ABCD3: variants seen among roughly 807,000 people sequenced by gnomAD.
ABCD3 encodes the protein ATP-binding cassette sub-family D member 3.
ABCD3 carries 41 observed loss-of-function variants against 105.5 expected under a neutral mutation model. The ratio of observed to expected loss-of-function variants is 0.39; its 90% confidence interval spans 0.30 to 0.50. The LOEUF is 0.50. Ranked by LOEUF, ABCD3 falls within the 20% of genes least tolerant of loss-of-function variation. The pLI is 0.84. For synonymous variants in ABCD3, 258 were observed against 269.0 expected, an observed-to-expected ratio of 0.96 and a Z score of 0.40; for missense variants, 622 against 806.3, an observed-to-expected ratio of 0.77 and a Z score of 2.77.
intron 7 of ABCD3, among the ~76,000 whole-genome samples, chr1:94,477,929 C>T (rs1484677840): frequency 6.6e-6 from 1 of 152,146 alleles, no homozygotes; most frequent in Non-Finnish European, 1.5e-5. Context: ...AGTGTCTTTA[C>T]ATTATATTGA....
chr1:94,442,582 A>G (rs1054111648), intron 1 of ABCD3, among the ~76,000 whole-genome samples: 3 of 152,248 alleles, frequency 2.0e-5, no homozygotes, highest in Middle Eastern at 3.4e-3. Flanking sequence ...TGAATAGTGA[A>G]TGTTCTACCC....
chr1:94,495,615 TA>T (rs1296000906), intron 16 of ABCD3, among the ~76,000 whole-genome samples: 3 of 152,208 alleles, frequency 2.0e-5, no homozygotes, highest in Non-Finnish European at 4.4e-5. Context: ...TAAGTCTGGT[TA>T]TTATTTATAT....
In ABCD3 at chr1:94,452,645, A is replaced by T. The variant is rs548445997; in HGVS notation, c.111-5962A>T. On this transcript the variant is annotated intron_variant, in intron 1 of 22. Transcript: ENST00000370214. ...GTACATTCGCATGGTCTGAAATTTT[A>T]AAAAAATGTTGGTGTAAGTGGGAAT... Among the ~76,000 whole-genome samples the T allele has an allele frequency of 6.6e-5, 10 of 152,298 alleles. No individual in the cohort carries two copies. The South Asian group carries it at 8.3e-4, about 13-fold the overall frequency.
intron 2 of ABCD3, among the ~76,000 whole-genome samples, chr1:94,461,549 T>C (rs1647868883): frequency 6.6e-6 from 1 of 152,116 alleles, no homozygotes; most frequent in African/African-American, 2.4e-5. Context: ...TAAAATGAAT[T>C]GCATGTATCA....
At chr1:94,396,824 G>A in the ABCD3 span, among the ~76,000 whole-genome samples, 4 of 152,122 alleles carry the variant, frequency 2.6e-5, no homozygotes, top group Admixed American at 2.6e-4. Flanking sequence ...CATGATCTCC[G>A]GAGGGTTATT....
intron 1 of ABCD3, among the ~76,000 whole-genome samples, chr1:94,445,875 A>G (rs1282145828): frequency 6.6e-6 from 1 of 152,134 alleles, no homozygotes; most frequent in Non-Finnish European, 1.5e-5. Context: ...GCGACCTATT[A>G]GAGGGAAAGT....
chr1:94,410,117 C>G, the ABCD3 span, among the ~76,000 whole-genome samples: 3 of 152,284 alleles, frequency 2.0e-5, no homozygotes, highest in East Asian at 5.8e-4. Flanking sequence ...TGGAACTGAG[C>G]ATGCAAGTGT....
the ABCD3 span, among the ~76,000 whole-genome samples, chr1:94,408,656 G>A: frequency 2.6e-5 from 4 of 152,000 alleles, no homozygotes; most frequent in Admixed American, 1.3e-4. Flanking sequence ...ATATGGAGAC[G>A]ATAAATCATC....
upstream of ABCD3, among the ~76,000 whole-genome samples, chr1:94,415,297 A>G (rs1658979708): frequency 1.3e-5 from 2 of 151,978 alleles, no homozygotes; most frequent in African/African-American, 2.4e-5. Flanking sequence ...CTAACACAAC[A>G]TTTCTTCCAG....
At chr1:94,388,363 G>A in the ABCD3 span, among the ~76,000 whole-genome samples, 1 of 148,648 alleles carries the variant, frequency 6.7e-6, no homozygotes, top group South Asian at 2.2e-4. Context: ...TTGATGCAGA[G>A]CATTCTGAGA....
At chr1:94,465,543 G>A (rs1360456231) in intron 3 of ABCD3, among the ~76,000 whole-genome samples, 1 of 151,962 alleles carries the variant, frequency 6.6e-6, no homozygotes, top group African/African-American at 2.4e-5. Context: ...ACCCTAAATG[G>A]TGTTGCTTTG....
At chr1:94,440,742 A>G (rs1660101937) in intron 1 of ABCD3, among the ~76,000 whole-genome samples, 1 of 152,168 alleles carries the variant, frequency 6.6e-6, no homozygotes, top group Non-Finnish European at 1.5e-5. Flanking sequence ...ATTTGTAGAA[A>G]TACTTTGTCA....
At chr1:94,439,786 C>G (rs932344517) in intron 1 of ABCD3, among the ~76,000 whole-genome samples, 5 of 151,974 alleles carry the variant, frequency 3.3e-5, no homozygotes, top group African/African-American at 7.3e-5. Flanking sequence ...TTCTAAATTT[C>G]TAATATTTTA....
chr1:94,478,837 T>C (rs1415211865), intron 8 of ABCD3: 1 of 314,224 alleles, frequency 3.2e-6, no homozygotes, highest in African/African-American at 2.2e-5. Flanking sequence ...GTGTAACAGT[T>C]CCAAGAATAT....
the ABCD3 span, among the ~76,000 whole-genome samples, chr1:94,386,288 G>A: frequency 6.6e-6 from 1 of 152,188 alleles, no homozygotes; most frequent in African/African-American, 2.4e-5. Flanking sequence ...TGGAAGAAAG[G>A]TGTGATATTA....
At chr1:94,461,130 G>A (rs1163880993) in intron 2 of ABCD3, among the ~76,000 whole-genome samples, 2 of 152,058 alleles carry the variant, frequency 1.3e-5, no homozygotes, top group Non-Finnish European at 2.9e-5. Flanking sequence ...ACACACGTGT[G>A]CTAAAATGAA....
intron 21 of ABCD3, among the ~76,000 whole-genome samples, chr1:94,508,185 G>A (rs1011399670): frequency 2.0e-5 from 3 of 152,142 alleles, no homozygotes; most frequent in Admixed American, 1.3e-4. Flanking sequence ...GTAAGGAAGG[G>A]ATCCAGTTTT....
the ABCD3 span, among the ~76,000 whole-genome samples, chr1:94,393,298 A>AAAGGGGGAAGAGAGAGGGAG: frequency 1.3e-5 from 2 of 151,834 alleles, no homozygotes; most frequent in African/African-American, 4.8e-5. Flanking sequence ...AGAGGAGGAG[A>AAAGGGGGAAGAGAGAGGGAG]AAGGGGGAAG....
rs1216962980 is a variant in ABCD3, at chr1:94,473,768, G to T, written c.338G>T (p.Gly113Val). Residue 113 changes from glycine to valine, a missense_variant and splice_region_variant, in exon 5 of 23, where the codon GGT (glycine) becomes GTT (valine). Physicochemically the swap from Gly to Val is moderately radical, Grantham distance 109 (BLOSUM62 -3). Transcript: ENST00000370214. ...GCATTGCATGTGGTGGTTTGCAGTG[G>T]TATCATTGGTCGTAGCAGGAAAGAT... ...MIQNGTLIES[G>V]IIGRSRKDFK... 1 of 1,612,110 alleles carries T rather than the reference G, an allele frequency of 6.2e-7. No individual in the cohort carries two copies. Among genetic ancestry groups the T allele is most frequent in the Admixed American group, 1.7e-5 (1 of 59,864 alleles).
Sources: gnomAD v4.1 joint callset for allele counts (sites outside exome capture counted in the v4.1 genomes callset) on GRCh38, gnomAD v4.1.1 for gene constraint, MANE v1.5 for transcripts, NCBI Gene and HGNC (gene_info 2026-07-23, HGNC 2026-07-21) for gene names.